The following MROH2A variants were observed in gnomAD, a reference collection of about 807,000 sequenced individuals.
The protein encoded by MROH2A is maestro heat-like repeat-containing protein family member 2A.
Under a neutral mutation model 200.4 loss-of-function variants are expected in MROH2A, and 174 were observed. The observed-to-expected ratio is 0.87, with a 90% CI of 0.77 to 0.98. The LOEUF (loss-of-function observed/expected upper bound fraction) is 0.98, where lower values mean the gene tolerates loss of function less well. Among genes scored for constraint, MROH2A ranks in the 50% least tolerant of loss-of-function variants. The pLI is 0.00. For synonymous variants in MROH2A, 829 were observed against 840.4 expected (o/e 0.99, Z 0.23); for missense variants, 2,045 against 2,139.6 (o/e 0.96, Z 0.87).
rs1035730211 is a variant in MROH2A at position 233,819,907 on chromosome 2, C to T, written c.3363C>T (p.Ala1121=). ...MRAKELEDKV[A]EILSAILVHL... is the part of the protein sequence containing the mutation. ...GATGCCCCATCCCTACCTAGGTGGCCGAGATCCTGAGTGCCATCCTGGTGC... is the reference window on the plus strand; with the variant it reads ...GATGCCCCATCCCTACCTAGGTGGCTGAGATCCTGAGTGCCATCCTGGTGC... The change falls in exon 31 of 42, where the codon GCC becomes GCT. Residue 1121 remains alanine, a synonymous_variant. Transcript: ENST00000389758. 1.2e-5 allele frequency: 18 copies of T among 1,511,138 alleles called. No homozygotes were observed. Among genetic ancestry groups the T allele is most frequent in the African/African-American group, 1.1e-4 (8 of 72,120 alleles). 93.6% of individuals were successfully genotyped at this position (1,511,138 alleles called of 1,614,324 possible).
chr2:233,816,604 G>A (rs1028254319), intron 26 of MROH2A, among the ~76,000 whole-genome samples, 177 bp from the exon 27 acceptor site: 20 of 152,266 alleles, frequency 1.3e-4, no homozygotes, highest in African/African-American at 4.6e-4. Context: ...GAGAATGCTG[G>A]GGATGCTCTT....
intron 38 of MROH2A, 114 bp downstream of exon 38, chr2:233,829,889 T>C: frequency 9.5e-7 from 1 of 1,051,678 alleles, no homozygotes; most frequent in Non-Finnish European, 1.2e-6. Context: ...CCTCAGTTGG[T>C]TTTCTCTGAG....
chr2:233,801,468 T>C (rs564283684), intron 14 of MROH2A, among the ~76,000 whole-genome samples: 4 of 152,236 alleles, frequency 2.6e-5, no homozygotes, highest in African/African-American at 9.6e-5. Context: ...GTAGAAGACA[T>C]ATATAGCCTG....
chr2:233,791,845 A>G (rs551430511), intron 5 of MROH2A, among the ~76,000 whole-genome samples: 19 of 151,822 alleles, frequency 1.3e-4, no homozygotes, highest in Admixed American at 3.3e-4. Flanking sequence ...GCCTGGATGG[A>G]GTGGGAGGGG....
In MROH2A at chr2:233,833,225, A is replaced by G. The variant is rs999063388; in HGVS notation, c.4991A>G (p.His1664Arg). ...TLTVLDSCSQ[H>R]GFLASPQGMS ...ACAGTCTTGGATAGCTGTAGTCAGC[A>G]TGGGTTTCTGGCTTCACCCCAAGGA... Residue 1664 changes from histidine (H) to arginine (R), a missense_variant, in exon 42 of 42, where the codon CAT becomes CGT. His to Arg is a conservative substitution (Grantham distance 29). Transcript: ENST00000389758. The G allele has an allele frequency of 6.5e-7, 1 of 1,550,166 alleles. No homozygotes were observed. Among genetic ancestry groups the G allele is most frequent in the African/African-American group, 1.4e-5 (1 of 73,052 alleles).
In MROH2A at chr2:233,828,792, GC is replaced by G. The variant is rs1704506934; in HGVS notation, c.4263+16del. The G allele has an allele frequency of 2.6e-6, 4 of 1,549,534 alleles. No homozygotes were observed. In the African/African-American group the frequency reaches 5.5e-5, roughly 21 times the overall value. On this transcript the variant is annotated intron_variant, in intron 36 of 41. Coordinates refer to ENST00000389758, the MANE Select transcript of MROH2A (RefSeq NM_001394639.1). This position sits in a 1 kb window ranked among gnomAD's most constrained non-coding sequence, Gnocchi z 4.6. ...CGCCCCCAAGAAGGTACTGTGCCTG[GC>G]CCTGGGCCCAGGTCCCGGGAGCTGA...
intron 2 of MROH2A, 35 bp downstream of exon 2, chr2:233,779,487 C>A: frequency 6.7e-7 from 1 of 1,483,556 alleles, no homozygotes; most frequent in Non-Finnish European, 9.2e-7. Context: ...CTTTCCTGCC[C>A]CATCTCAGAC....
chr2:233,823,141 C>A, intron 34 of MROH2A, 123 bp downstream of exon 34: 1 of 1,017,092 alleles, frequency 9.8e-7, no homozygotes. Context: ...GGGGGAACTG[C>A]CACGCCAACC....
chr2:233,791,856 A>G (rs1262064178), intron 5 of MROH2A, among the ~76,000 whole-genome samples: 3 of 151,608 alleles, frequency 2.0e-5, no homozygotes. Context: ...GTGGGAGGGG[A>G]GGAAGGGAAG....
intron 4 of MROH2A, 22 bp from the exon 5 acceptor site, chr2:233,789,830 G>A (rs1701609100): frequency 2.6e-6 from 4 of 1,541,288 alleles, no homozygotes; most frequent in African/African-American, 2.7e-5. Context: ...GGTGCCATAT[G>A]TCCCTCTTCT....
intron 3 of MROH2A, among the ~76,000 whole-genome samples, chr2:233,786,356 G>C (rs1382119359): frequency 6.6e-6 from 1 of 152,238 alleles, no homozygotes; most frequent in Non-Finnish European, 1.5e-5. Flanking sequence ...TTTCTTGTGT[G>C]ACTGCCCTCT....
Position 233,829,631 on chromosome 2 carries a change from G to T in MROH2A, c.4458G>T (p.Leu1486=). 4.9e-6 allele frequency: 7 copies of T among 1,430,244 alleles called. No homozygotes were observed. Among genetic ancestry groups the T allele is most frequent in the Non-Finnish European group, 6.4e-6 (7 of 1,088,670 alleles). The allele number at this position is 1,430,244 out of a possible 1,614,324, so 88.6% of individuals were successfully genotyped here. Residue 1486 remains leucine, a synonymous_variant, in exon 38 of 42, where the codon CTG becomes CTT. Coordinates refer to ENST00000389758, the MANE Select transcript of MROH2A (RefSeq NM_001394639.1). ...CRIFFDNESE[L]LRLKAFILFG... Reference sequence around the variant, plus strand: ...CATCCTGGCCACAGGAGAGCGAGCTGCTGCGTCTGAAAGCCTTCATCCTCT... The same window carrying T: ...CATCCTGGCCACAGGAGAGCGAGCTTCTGCGTCTGAAAGCCTTCATCCTCT...
At chr2:233,816,385 G>A (rs913658872) in intron 26 of MROH2A, among the ~76,000 whole-genome samples, 1 of 152,112 alleles carries the variant, frequency 6.6e-6, no homozygotes, top group African/African-American at 2.4e-5. Flanking sequence ...TAAACATTTA[G>A]GATTGTTATG....
chr2:233,791,945 G>A (rs1398258742), intron 5 of MROH2A, among the ~76,000 whole-genome samples: 4 of 152,082 alleles, frequency 2.6e-5, no homozygotes, highest in African/African-American at 9.7e-5. Context: ...ACTCAGGGTG[G>A]GTGAAGTGGA....
In MROH2A at chr2:233,832,609, A is replaced by T; in HGVS notation, c.4868A>T (p.Tyr1623Phe). ...GIIMKQMSTH[Y>F]LKKLDFPALR... ...ATTATGAAGCAGATGTCTACACATT[A>T]TCTGAAAAAGCTGGACTTCCCAGCA... The change falls in exon 41 of 42, where the codon TAT becomes TTT. Residue 1623 changes from tyrosine to phenylalanine, a missense_variant. By Grantham distance (22) the Tyr-to-Phe change is conservative. Around this residue, in one of 3 missense-constraint regions of MROH2A, gnomAD observed 1,201 missense variants for 1,311.3 expected, o/e 0.92. Transcript: ENST00000389758. 6.5e-7 allele frequency: 1 copy of T among 1,550,086 alleles called. No individual in the cohort carries two copies. Among genetic ancestry groups the T allele is most frequent in the Non-Finnish European group, 8.7e-7 (1 of 1,146,500 alleles).
At chr2:233,792,117 A>T (rs557261874) in intron 5 of MROH2A, among the ~76,000 whole-genome samples, 1 of 151,982 alleles carries the variant, frequency 6.6e-6, no homozygotes, top group South Asian at 2.1e-4. Context: ...CCCCTGAAGG[A>T]GGCTGGCCTG....
chr2:233,825,292 T>C (rs1395893840), intron 35 of MROH2A, among the ~76,000 whole-genome samples: 1 of 152,208 alleles, frequency 6.6e-6, no homozygotes, highest in Non-Finnish European at 1.5e-5. Flanking sequence ...CTTCCTCCCT[T>C]CCTATTTGAA....
intron 22 of MROH2A, 90 bp downstream of exon 22, chr2:233,809,368 C>T (rs1402269415): frequency 1.4e-6 from 2 of 1,388,184 alleles, no homozygotes. Context: ...TGCATCCCTA[C>T]CCAGGGGACA....
intron 14 of MROH2A, among the ~76,000 whole-genome samples, chr2:233,801,396 G>A (rs1478446495): frequency 6.6e-6 from 1 of 152,172 alleles, no homozygotes; most frequent in African/African-American, 2.4e-5. Flanking sequence ...ATGGTGGGGT[G>A]AAGTTGGAAA....
Sources: allele counts gnomAD v4.1 joint callset (sites outside exome capture counted in the v4.1 genomes callset), GRCh38; gene constraint gnomAD v4.1.1; regional missense constraint gnomAD v4.1.1; non-coding constraint Gnocchi (gnomAD v3.1); transcripts MANE v1.5; gene names NCBI Gene and HGNC (gene_info 2026-07-23, HGNC 2026-07-21).